The following WIPF3 variants were observed in gnomAD, a reference collection of about 807,000 sequenced individuals.
The protein encoded by WIPF3 is WAS/WASL-interacting protein family member 3.
WIPF3 carries 33 observed loss-of-function variants against 38.9 expected under a neutral mutation model. The ratio of observed to expected loss-of-function variants is 0.85; its 90% CI spans 0.64 to 1.14. The LOEUF is 1.14. Ranked by LOEUF, WIPF3 falls within the 50% of genes most tolerant of loss-of-function variation. The pLI, the probability that WIPF3 is intolerant of heterozygous loss-of-function variation, is 0.00. For missense variants in WIPF3, 711 were observed against 652.5 expected (o/e 1.09, Z -0.98); for synonymous variants, 324 against 269.3 (o/e 1.20, Z -1.99).
At chr7:29,880,962 A>G (rs1282784466) in intron 4 of WIPF3, among the ~76,000 whole-genome samples, 5 of 151,918 alleles carry the variant, frequency 3.3e-5, no homozygotes, top group African/African-American at 4.8e-5. Flanking sequence ...GGTTCATGCC[A>G]TCCCCTCCAC....
At chr7:29,847,757 G>GC (rs1785024897) in intron 2 of WIPF3, among the ~76,000 whole-genome samples, 1 of 152,174 alleles carries the variant, frequency 6.6e-6, no homozygotes, top group Non-Finnish European at 1.5e-5. Flanking sequence ...TTTATGGCCA[G>GC]TTTTTACACT....
At chr7:29,832,104 G>A (rs1230719621) in intron 1 of WIPF3, among the ~76,000 whole-genome samples, 1 of 152,242 alleles carries the variant, frequency 6.6e-6, no homozygotes, top group East Asian at 1.9e-4. Flanking sequence ...CTCCTGTCAT[G>A]TGTCTTAGTT....
At chr7:29,869,282 C>A (rs576809230) in intron 2 of WIPF3, among the ~76,000 whole-genome samples, 2 of 152,322 alleles carry the variant, frequency 1.3e-5, no homozygotes, top group South Asian at 4.1e-4. Flanking sequence ...CCCACCTTGG[C>A]CTCCCAAAGT....
At chr7:29,897,683 C>T (rs1786179653) in intron 7 of WIPF3, among the ~76,000 whole-genome samples, 2 of 152,272 alleles carry the variant, frequency 1.3e-5, no homozygotes, top group Non-Finnish European at 2.9e-5. Context: ...TAGTTCATGT[C>T]ATAAAAATTA....
Position 29,830,061 on chromosome 7 carries a change from A to G in WIPF3, c.-57-4607A>G, listed in dbSNP as rs555429174. ...CAGCATTCTCAACTGTCAGATTTTA[A>G]CAAATACTTCTTTAGATAATTGCTT... On this transcript the variant is annotated intron_variant, in intron 1 of 8. Transcript: ENST00000242140. 2.0e-5 allele frequency among the ~76,000 whole-genome samples: 3 copies of G among 151,968 alleles called. No individual in the cohort carries two copies. In the South Asian group the frequency reaches 6.3e-4, roughly 32 times the overall value.
At position 29,902,604 on chromosome 7, in the gene WIPF3, A is replaced by T. The variant is rs185635566; in HGVS notation, c.1352-1682A>T. 7.9e-4 allele frequency among the ~76,000 whole-genome samples: 120 copies of T among 152,068 alleles called. 3 individuals carry two copies. The East Asian group carries it at 0.021, about 27-fold the overall frequency. On this transcript the variant is annotated intron_variant, in intron 7 of 8. Coordinates refer to ENST00000242140, the MANE Select transcript of WIPF3 (RefSeq NM_001080529.3). The stretch of plus-strand genomic sequence containing the variant: ...TATAATCCCAGCACTTTGGGAGGCC[A>T]AGGTGGGAGGATCACTTGAGCCCAG...
chr7:29,861,396 G>A (rs1414886401), intron 2 of WIPF3, among the ~76,000 whole-genome samples: 2 of 152,180 alleles, frequency 1.3e-5, no homozygotes, highest in Non-Finnish European at 1.5e-5. Context: ...CCTAGGAAAA[G>A]AAATGTAACT....
chr7:29,819,656 A>G (rs979844199), intron 1 of WIPF3, among the ~76,000 whole-genome samples: 2 of 151,750 alleles, frequency 1.3e-5, no homozygotes, highest in Non-Finnish European at 2.9e-5. Context: ...TACAGCTATG[A>G]TTTTTGCTCT....
chr7:29,889,282 TCTTTCCATTTCG>T lies in WIPF3; in HGVS notation c.1250-20_1250-9del, dbSNP rs1785957094. The T allele has an allele frequency of 6.3e-7, 1 of 1,592,050 alleles. No homozygotes were observed. The highest frequency in any genetic ancestry group is 8.6e-7 in the Non-Finnish European group (1 of 1,160,626). The stretch of plus-strand genomic sequence containing the variant: ...GGATCATGACAGTAACCTGAGTAAC[TCTTTCCATTTCG>T]CTTGTGTGCAGATGACTTCGAGTCT... On this transcript the variant is annotated splice_polypyrimidine_tract_variant and intron_variant, in intron 6 of 8. Coordinates refer to ENST00000242140, the MANE Select transcript of WIPF3 (RefSeq NM_001080529.3).
At chr7:29,869,542 C>T (rs1458655195) in intron 2 of WIPF3, among the ~76,000 whole-genome samples, 1 of 152,116 alleles carries the variant, frequency 6.6e-6, no homozygotes, top group Non-Finnish European at 1.5e-5. Flanking sequence ...GTGTCTGATC[C>T]ACCATTTATA....
intron 2 of WIPF3, among the ~76,000 whole-genome samples, chr7:29,843,972 C>G (rs980047580): frequency 6.6e-6 from 1 of 152,002 alleles, no homozygotes; most frequent in East Asian, 2.0e-4. Flanking sequence ...CAAGCCAACA[C>G]GCCACATCTC....
At chr7:29,834,975 C>G (rs1263420954) in intron 2 of WIPF3, among the ~76,000 whole-genome samples, 161 bp downstream of exon 2, 1 of 152,140 alleles carries the variant, frequency 6.6e-6, no homozygotes, top group East Asian at 1.9e-4. Context: ...TGATTCCAAA[C>G]CAGCCTGGCT....
At chr7:29,825,344 A>G (rs1313028094) in intron 1 of WIPF3, among the ~76,000 whole-genome samples, 1 of 152,218 alleles carries the variant, frequency 6.6e-6, no homozygotes, top group Non-Finnish European at 1.5e-5. Flanking sequence ...TTAAAATAAA[A>G]GTTGAAGGAA....
At chr7:29,886,396 A>G (rs1238069861) in intron 5 of WIPF3, among the ~76,000 whole-genome samples, 2 of 119,562 alleles carry the variant, frequency 1.7e-5, no homozygotes, top group Admixed American at 1.3e-4. Context: ...TCACTCTGCC[A>G]TCTAGGCTGG....
chr7:29,806,916 G>A (rs995494903), intron 1 of WIPF3, among the ~76,000 whole-genome samples: 1 of 151,422 alleles, frequency 6.6e-6, no homozygotes. Flanking sequence ...CCCCGGCCGG[G>A]CCGGGCCGGG....
chr7:29,888,767 C>T (rs1190745267), intron 6 of WIPF3, among the ~76,000 whole-genome samples: 1 of 152,174 alleles, frequency 6.6e-6, no homozygotes, highest in Non-Finnish European at 1.5e-5. Flanking sequence ...CATGAAAGGG[C>T]CACAGGAGCC....
intron 7 of WIPF3, among the ~76,000 whole-genome samples, chr7:29,890,576 C>A (rs1785985784): frequency 6.6e-6 from 1 of 152,196 alleles, no homozygotes; most frequent in South Asian, 2.1e-4. Context: ...GACCAGGAAT[C>A]GTGAGCCAGG....
chr7:29,860,008 G>A (rs372924475), intron 2 of WIPF3, among the ~76,000 whole-genome samples: 1 of 152,138 alleles, frequency 6.6e-6, no homozygotes, highest in African/African-American at 2.4e-5. Context: ...AACTAGGCAT[G>A]TGTGGTTGGC....
At chr7:29,870,138 A>G (rs937704163) in intron 2 of WIPF3, among the ~76,000 whole-genome samples, 8 of 152,142 alleles carry the variant, frequency 5.3e-5, no homozygotes, top group African/African-American at 1.9e-4. Context: ...GTGTAAAAAG[A>G]GCAGAGATCA....
Sources: gnomAD v4.1 joint callset for allele counts (sites outside exome capture counted in the v4.1 genomes callset) on GRCh38, gnomAD v4.1.1 for gene constraint, MANE v1.5 for transcripts, NCBI Gene and HGNC (gene_info 2026-07-23, HGNC 2026-07-21) for gene names.